Variants in SELPLG observed in about 807,000 individuals in gnomAD.
SELPLG encodes P-selectin glycoprotein ligand 1.
A neutral mutation model predicts 1.1 loss-of-function variants in SELPLG; 2 were observed. That is an observed-to-expected ratio of 1.82 (90% confidence interval 0.74 to 5.71). The LOEUF is 5.71. Among genes scored for constraint, SELPLG ranks in the 30% most tolerant of loss-of-function variants. The pLI is 0.05. For synonymous variants in SELPLG, 230 were observed against 221.2 expected (o/e 1.04, Z -0.35); for missense variants, 478 against 524.7 (o/e 0.91, Z 0.87).
intron 1 of SELPLG, among the ~76,000 whole-genome samples, chr12:108,629,911 C>T (rs1475581794): frequency 1.3e-5 from 2 of 152,194 alleles, no homozygotes; most frequent in Non-Finnish European, 2.9e-5. Context: ...GCCCCTCCCA[C>T]GGAGGGATGA....
intron 1 of SELPLG, among the ~76,000 whole-genome samples, chr12:108,627,276 T>G (rs2031953660): frequency 1.3e-5 from 2 of 152,008 alleles, no homozygotes. Context: ...TGAAACCCAG[T>G]GAGGTTCAGG....
intron 1 of SELPLG, among the ~76,000 whole-genome samples, chr12:108,626,132 T>C (rs1035895188): frequency 8.6e-5 from 12 of 139,274 alleles, no homozygotes; most frequent in African/African-American, 3.8e-4. Context: ...TCTTTTCTTT[T>C]TTTTTTTTTT....
intron 1 of SELPLG, among the ~76,000 whole-genome samples, chr12:108,632,387 GGGGTGT>G: frequency 1.0e-5 from 1 of 95,462 alleles, no homozygotes; most frequent in Middle Eastern, 4.6e-3. Flanking sequence ...TCGACAATAT[GGGGTGT>G]GTGTGTGTGT....
chr12:108,625,060 C>T (rs1416035999), intron 1 of SELPLG, among the ~76,000 whole-genome samples: 1 of 152,142 alleles, frequency 6.6e-6, no homozygotes, highest in South Asian at 2.1e-4. Flanking sequence ...AGTACCTGCA[C>T]AGAATTCATA....
Position 108,623,602 on chromosome 12 carries a change from G to C in SELPLG, c.706C>G (p.Pro236Ala). 3 of 1,612,116 alleles carry C rather than the reference G, an allele frequency of 1.9e-6. No individual in the cohort carries two copies. The highest frequency in any genetic ancestry group is 2.2e-5 in the South Asian group (2 of 90,842). ...GTGGTCTGTGCCTCCGTGGCTTCTG[G>C]TGCAGTGGTCTGTGCCTCCATGGCT... ...TTAMEAQTTA[P>A]EATEAQTTQP... The change falls in exon 2 of 2, where the codon CCA becomes GCA. Residue 236 changes from proline (P) to alanine (A), a missense_variant. Physicochemically the swap from Pro to Ala is conservative, Grantham distance 27. Coordinates refer to ENST00000550948, the MANE Select transcript of SELPLG (RefSeq NM_003006.4).
At chr12:108,631,984 C>T (rs1220070792) in intron 1 of SELPLG, 1 of 1,507,478 alleles carries the variant, frequency 6.6e-7, no homozygotes, top group African/African-American at 1.4e-5. Context: ...CAGCCAGAAG[C>T]CATGCCGCCA....
chr12:108,633,005 G>C (rs1334786077), intron 1 of SELPLG, among the ~76,000 whole-genome samples: 1 of 152,104 alleles, frequency 6.6e-6, no homozygotes, highest in Non-Finnish European at 1.5e-5. Flanking sequence ...GAGAAATCCT[G>C]CACTCCCCCT....
At position 108,621,971 on chromosome 12, in the gene SELPLG, C is replaced by A. The variant is rs1334352118; in HGVS notation, c.*1098G>T. Among the ~76,000 whole-genome samples, 3 of 152,098 alleles carry A rather than the reference C, an allele frequency of 2.0e-5. No individual in the cohort carries two copies. The highest frequency in any genetic ancestry group is 4.4e-5 in the Non-Finnish European group (3 of 68,014). ...TCCGAGGTTTGGGGGGGACCAAACT[C>A]TGTGGGCCAAAACTGGGTAATGGAG... On this transcript the variant is annotated 3_prime_UTR_variant, in exon 2 of 2. Coordinates refer to ENST00000550948, the MANE Select transcript of SELPLG (RefSeq NM_003006.4).
chr12:108,623,157 A>G lies in SELPLG; in HGVS notation c.1151T>C (p.Leu384Pro), dbSNP rs746961402. 4 of 1,611,928 alleles carry G rather than the reference A, an allele frequency of 2.5e-6. No homozygotes were observed. Among genetic ancestry groups the G allele is most frequent in the Non-Finnish European group, 3.4e-6 (4 of 1,179,020 alleles). Residue 384 changes from leucine to proline, a missense_variant, in exon 2 of 2, where the codon CTG (leucine) becomes CCG (proline). Coordinates refer to ENST00000550948, the MANE Select transcript of SELPLG (RefSeq NM_003006.4). Reference protein sequence around the residue: ...EGPSATANGGLSKAKSPGLTP... With the variant: ...EGPSATANGGPSKAKSPGLTP... Reference sequence around the variant, plus strand: ...CAGGCCCGGGCTCTTGGCCTTGGACAGGCCCCCATTGGCTGTGGCAGAGGG... The same window carrying G: ...CAGGCCCGGGCTCTTGGCCTTGGACGGGCCCCCATTGGCTGTGGCAGAGGG...
chr12:108,622,243 G>C lies in SELPLG; in HGVS notation c.*826C>G, dbSNP rs902752922. On this transcript the variant is annotated 3_prime_UTR_variant, in exon 2 of 2. Coordinates refer to ENST00000550948, the MANE Select transcript of SELPLG (RefSeq NM_003006.4). ...AATTCCGGGAAGGCTGCCTGAAGGA[G>C]ACAGCCTTGAAACCTTGAAGGATTC... 1.3e-5 allele frequency: 2 copies of C among 152,250 alleles called. No individual in the cohort carries two copies. The highest frequency in any genetic ancestry group is 4.8e-5 in the African/African-American group (2 of 41,456). 9.4% of individuals were successfully genotyped at this position (152,250 alleles called of 1,614,324 possible). A position where few individuals can be genotyped will look rare whatever the true frequency, so the allele number is the denominator to read the frequency against.
At chr12:108,626,653 C>T (rs1306979494) in intron 1 of SELPLG, among the ~76,000 whole-genome samples, 1 of 151,730 alleles carries the variant, frequency 6.6e-6, no homozygotes, top group African/African-American at 2.4e-5. Context: ...CATGCCACCA[C>T]ATCTGGTTAA....
intron 1 of SELPLG, chr12:108,632,033 A>C: frequency 1.6e-5 from 17 of 1,082,180 alleles, no homozygotes; most frequent in Non-Finnish European, 2.0e-5. Flanking sequence ...CAGTTTTCTC[A>C]TCTGTAAAAG....
Position 108,622,832 on chromosome 12 carries a change from C to T in SELPLG, c.*237G>A, listed in dbSNP as rs1434321611. On this transcript the variant is annotated 3_prime_UTR_variant, in exon 2 of 2. Transcript: ENST00000550948. Reference sequence around the variant, plus strand: ...AATGGCCTCCTGCCTTGGACCTCGGCTGAAATGTGGCTGGGCTTCATCCGC... The same window carrying T: ...AATGGCCTCCTGCCTTGGACCTCGGTTGAAATGTGGCTGGGCTTCATCCGC... 2 of 475,976 alleles carry T rather than the reference C, an allele frequency of 4.2e-6. No homozygotes were observed. Among genetic ancestry groups the T allele is most frequent in the African/African-American group, 1.9e-5 (1 of 51,466 alleles). 29.5% of individuals were successfully genotyped at this position (475,976 alleles called of 1,614,324 possible). A position where few individuals can be genotyped will look rare whatever the true frequency, so the allele number is the denominator to read the frequency against.
intron 1 of SELPLG, among the ~76,000 whole-genome samples, chr12:108,633,427 G>C (rs1372237520): frequency 1.3e-5 from 2 of 152,202 alleles, no homozygotes; most frequent in African/African-American, 4.8e-5. Context: ...CTTGTGCCCA[G>C]GAGTTTAAGG....
intron 1 of SELPLG, among the ~76,000 whole-genome samples, chr12:108,629,211 G>A (rs532000970): frequency 2.0e-5 from 3 of 152,294 alleles, no homozygotes; most frequent in East Asian, 3.9e-4. Context: ...TCCTGGGCCC[G>A]TCTAAAGCAA....
Position 108,623,377 on chromosome 12 carries a change from C to T in SELPLG, c.931G>A (p.Ala311Thr). The change falls in exon 2 of 2, where the codon GCC becomes ACC. Residue 311 changes from alanine (A) to threonine (T), a missense_variant. Transcript: ENST00000550948. Reference protein sequence around the residue: ...SNLSVNYPVGAPDHISVKQCL... With the variant: ...SNLSVNYPVGTPDHISVKQCL... ...TGCTTCACAGAGATGTGGTCTGGGG[C>T]CCCCACTGGGTAGTTGACGGACAAA... 1 of 1,614,254 alleles carries T rather than the reference C, an allele frequency of 6.2e-7. No individual in the cohort carries two copies. The highest frequency in any genetic ancestry group is 1.7e-5 in the Admixed American group (1 of 60,032).
intron 1 of SELPLG, among the ~76,000 whole-genome samples, chr12:108,627,422 C>T (rs2031955534): frequency 6.6e-6 from 1 of 152,178 alleles, no homozygotes; most frequent in Non-Finnish European, 1.5e-5. Flanking sequence ...AAAGGCCTGC[C>T]ACATATTTAC....
At position 108,624,414 on chromosome 12, in the gene SELPLG, T is replaced by C; in HGVS notation, c.-5-102A>G. ...CTCTACTGCCACAGCTGGAAGCATG[T>C]CTGGTCTGGAGCAGGGACTGGGGAC... On this transcript the variant is annotated intron_variant, in intron 1 of 1. Coordinates refer to ENST00000550948, the MANE Select transcript of SELPLG (RefSeq NM_003006.4). The C allele has an allele frequency of 3.5e-6, 4 of 1,129,638 alleles. No individual in the cohort carries two copies. In the South Asian group the frequency reaches 4.6e-5, roughly 13 times the overall value. 70.0% of individuals were successfully genotyped at this position (1,129,638 alleles called of 1,614,324 possible).
intron 1 of SELPLG, among the ~76,000 whole-genome samples, chr12:108,626,900 T>G (rs1349437531): frequency 6.6e-6 from 1 of 151,492 alleles, no homozygotes. Context: ...ATGTCAGGAG[T>G]TCAAGACTAG....
Sources: allele counts gnomAD v4.1 joint callset (sites outside exome capture counted in the v4.1 genomes callset), GRCh38; gene constraint gnomAD v4.1.1; transcripts MANE v1.5; gene names NCBI Gene and HGNC (gene_info 2026-07-23, HGNC 2026-07-21).